MAN1A1: variants seen among roughly 807,000 people sequenced by gnomAD.
MAN1A1 encodes the protein mannosidase alpha class 1A member 1.
A neutral mutation model predicts 70.8 loss-of-function variants in MAN1A1; 29 were observed. The ratio of observed to expected loss-of-function variants is 0.41; its 90% CI spans 0.31 to 0.56. The LOEUF is 0.56. MAN1A1 is among the 20% of genes least tolerant of loss of function. MAN1A1 has a pLI of 0.29. For synonymous variants in MAN1A1, 349 were observed against 330.1 expected (o/e 1.06, Z -0.62); for missense variants, 747 against 841.3 (o/e 0.89, Z 1.39).
At chr6:119,189,113 T>C (rs931067926) in intron 10 of MAN1A1, among the ~76,000 whole-genome samples, 4 of 152,188 alleles carry the variant, frequency 2.6e-5, no homozygotes, top group Admixed American at 2.6e-4. Context: ...TTAGAAAATA[T>C]TAACAATTTA....
At chr6:119,235,290 C>T (rs1046736601) in intron 6 of MAN1A1, among the ~76,000 whole-genome samples, 1 of 152,160 alleles carries the variant, frequency 6.6e-6, no homozygotes, top group East Asian at 1.9e-4. Flanking sequence ...AAAAGCTATG[C>T]CTCTTGTGCC....
At chr6:119,179,996 G>A (rs758119703) in intron 12 of MAN1A1, 51 bp from the exon 13 acceptor site, 4 of 1,591,288 alleles carry the variant, frequency 2.5e-6, no homozygotes, top group African/African-American at 2.7e-5. Context: ...GGCAGGCAGT[G>A]AAACCACAAA....
chr6:119,226,828 G>T (rs956952371), intron 6 of MAN1A1, among the ~76,000 whole-genome samples: 2 of 136,130 alleles, frequency 1.5e-5, no homozygotes, highest in East Asian at 2.9e-4. Flanking sequence ...GAGCCACCAG[G>T]CCTGGCTAAT....
At chr6:119,199,084 A>G (rs6901117) in intron 8 of MAN1A1, among the ~76,000 whole-genome samples, 6,658 of 152,326 alleles carry the variant, frequency 0.044, 198 homozygotes, top group East Asian at 0.082. Flanking sequence ...TGAACTATGC[A>G]GATCTTTCAA....
In MAN1A1 at chr6:119,189,831, G is replaced by A. The variant is rs764743051; in HGVS notation, c.1379C>T (p.Ala460Val). ...RKSSSGLTYI[A>V]EWKGGLLEHK... ...CTCCAGGAGGCCCCCTTTCCACTCT[G>A]CGATATAAGTTAGTCCGCTGCTAGA... The change falls in exon 10 of 13, where the codon GCA becomes GTA. Residue 460 changes from alanine (A) to valine (V), a missense_variant. Ala to Val is a moderately conservative substitution (Grantham distance 64). Around this residue, in one of 2 missense-constraint regions of MAN1A1, gnomAD observed 419 missense variants for 548.2 expected, o/e 0.76. Transcript: ENST00000368468. The A allele has an allele frequency of 5.0e-6, 8 of 1,614,048 alleles. No individual in the cohort carries two copies. The highest frequency in any genetic ancestry group is 3.3e-5 in the South Asian group (3 of 91,070).
At chr6:119,267,447 A>C (rs928825366) in intron 5 of MAN1A1, among the ~76,000 whole-genome samples, 28 of 152,214 alleles carry the variant, frequency 1.8e-4, no homozygotes, top group Admixed American at 1.8e-3. Context: ...ATATCTCAAG[A>C]TGTAAGGCAG....
intron 2 of MAN1A1, among the ~76,000 whole-genome samples, chr6:119,316,931 A>C (rs1292107459): frequency 6.7e-6 from 1 of 150,064 alleles, no homozygotes; most frequent in East Asian, 2.0e-4. Context: ...TTTAAATTAC[A>C]TTTTTTTATT....
chr6:119,205,474 T>C (rs1158796321), intron 6 of MAN1A1, among the ~76,000 whole-genome samples: 3 of 152,226 alleles, frequency 2.0e-5, no homozygotes, highest in African/African-American at 7.2e-5. Flanking sequence ...TTCTGTACTC[T>C]ATATAACCTA....
intron 2 of MAN1A1, among the ~76,000 whole-genome samples, chr6:119,318,332 G>A (rs146920313): frequency 1.4e-4 from 21 of 152,330 alleles, no homozygotes; most frequent in Middle Eastern, 3.4e-3. Flanking sequence ...TTGCACAGAT[G>A]AAGAAATCAA....
Position 119,338,787 on chromosome 6 carries a change from C to A in MAN1A1, c.603+9676G>T, listed in dbSNP as rs184856726. On this transcript the variant is annotated intron_variant, in intron 2 of 12. Coordinates refer to ENST00000368468, the MANE Select transcript of MAN1A1 (RefSeq NM_005907.4). ...GTCTCAGCTGAAGGATGTGGGCTGT[C>A]CCAAGTGCCTGGTAAGAGCTCCTAT... Among the ~76,000 whole-genome samples the A allele has an allele frequency of 1.1e-3, 173 of 152,318 alleles. 1 individual carries two copies. Among genetic ancestry groups the A allele is most frequent in the South Asian group, 1.2e-3 (6 of 4,826 alleles).
chr6:119,217,992 T>C (rs1463416086), intron 6 of MAN1A1, among the ~76,000 whole-genome samples: 1 of 152,198 alleles, frequency 6.6e-6, no homozygotes, highest in African/African-American at 2.4e-5. Flanking sequence ...AAGTGAAGAA[T>C]CACATTTCAT....
At chr6:119,239,235 A>G (rs79074725) in intron 6 of MAN1A1, among the ~76,000 whole-genome samples, 5,160 of 152,290 alleles carry the variant, frequency 0.034, 125 homozygotes, top group Non-Finnish European at 0.048. Context: ...TCTCCACCTT[A>G]TAGATGAAGA....
intron 11 of MAN1A1, among the ~76,000 whole-genome samples, chr6:119,186,356 G>A (rs544764998): frequency 6.6e-6 from 1 of 152,260 alleles, no homozygotes; most frequent in African/African-American, 2.4e-5. Flanking sequence ...CATGAGACAA[G>A]GGTTGGACGC....
chr6:119,206,419 G>C (rs1295768498), intron 6 of MAN1A1, among the ~76,000 whole-genome samples: 1 of 152,130 alleles, frequency 6.6e-6, no homozygotes, highest in African/African-American at 2.4e-5. Flanking sequence ...AAACCATGAG[G>C]ATTACTGGCG....
chr6:119,209,831 A>C (rs1233935719), intron 6 of MAN1A1, among the ~76,000 whole-genome samples: 1 of 152,164 alleles, frequency 6.6e-6, no homozygotes, highest in Non-Finnish European at 1.5e-5. Flanking sequence ...CAGCTTGCAG[A>C]AACTGACTGT....
At chr6:119,265,558 T>A (rs1171666115) in intron 5 of MAN1A1, among the ~76,000 whole-genome samples, 3 of 152,190 alleles carry the variant, frequency 2.0e-5, no homozygotes, top group Non-Finnish European at 4.4e-5. Flanking sequence ...TTTCCTAAGG[T>A]CTTTCCAAAC....
intron 5 of MAN1A1, among the ~76,000 whole-genome samples, chr6:119,270,148 G>C (rs958156187): frequency 1.3e-5 from 2 of 152,004 alleles, no homozygotes; most frequent in Admixed American, 6.6e-5. Context: ...GACTAATCTT[G>C]TACATTTCCA....
intron 5 of MAN1A1, among the ~76,000 whole-genome samples, chr6:119,262,971 A>G (rs72962526): frequency 6.6e-6 from 1 of 152,320 alleles, no homozygotes; most frequent in Non-Finnish European, 1.5e-5. Context: ...CAATCTAATC[A>G]GCTTCCAGTG....
chr6:119,292,364 T>C (rs537260654), intron 4 of MAN1A1, among the ~76,000 whole-genome samples: 28 of 152,100 alleles, frequency 1.8e-4, no homozygotes, highest in African/African-American at 6.3e-4. Flanking sequence ...GGAGTCAATA[T>C]CTGGCAAATA....
Sources: allele counts gnomAD v4.1 joint callset (sites outside exome capture counted in the v4.1 genomes callset), GRCh38; gene constraint gnomAD v4.1.1; regional missense constraint gnomAD v4.1.1; transcripts MANE v1.5; gene names NCBI Gene and HGNC (gene_info 2026-07-23, HGNC 2026-07-21).